Variants in M1AP observed in about 807,000 individuals in gnomAD.
M1AP encodes meiosis 1 arrest protein.
In M1AP, 39 loss-of-function variants were observed where a neutral mutation model predicts 51.2. The observed-to-expected ratio is 0.76, with a 90% CI of 0.59 to 1.00. The LOEUF is 1.00. Ranked by LOEUF, M1AP falls within the 50% of genes least tolerant of loss-of-function variation. The pLI is 0.00. For synonymous variants in M1AP, 251 were observed against 249.2 expected, an observed-to-expected ratio of 1.01 and a Z score of -0.07; for missense variants, 545 against 641.2, an observed-to-expected ratio of 0.85 and a Z score of 1.62.
At chr2:74,606,495 C>T (rs867346904) in intron 4 of M1AP, among the ~76,000 whole-genome samples, 68 of 152,208 alleles carry the variant, frequency 4.5e-4, no homozygotes, top group Admixed American at 9.2e-4. Flanking sequence ...ACACAGCTGT[C>T]CAACACACAT....
At chr2:74,626,693 A>G (rs1407070809) in intron 2 of M1AP, among the ~76,000 whole-genome samples, 1 of 152,246 alleles carries the variant, frequency 6.6e-6, no homozygotes, top group African/African-American at 2.4e-5. Context: ...TCAGGAATCT[A>G]TGCTGGTAGA....
rs1558701420 is a variant in M1AP, at chr2:74,640,257, T to G, written c.19A>C (p.Thr7Pro). The G allele has an allele frequency of 1.1e-5, 18 of 1,613,946 alleles. No homozygotes were observed. Among genetic ancestry groups the G allele is most frequent in the Non-Finnish European group, 1.5e-5 (18 of 1,179,966 alleles). ...GTGTGAGTAGAGGGCCCTTTACCAG[T>G]AGTTCGCCCAGGATGCATGGCAGCA... MHPGRT[T>P]GKGPSTHTQI... is the part of the protein sequence containing the mutation. The change falls in exon 2 of 11, where the codon ACT (threonine) becomes CCT (proline). Residue 7 changes from threonine to proline, a missense_variant. Transcript: ENST00000421985.
intron 9 of M1AP, 87 bp downstream of exon 9, chr2:74,560,064 G>T: frequency 6.9e-7 from 1 of 1,446,072 alleles, no homozygotes; most frequent in Non-Finnish European, 9.4e-7. Context: ...GGCGGTGTTG[G>T]GATGGGGGAG....
intron 3 of M1AP, among the ~76,000 whole-genome samples, chr2:74,611,302 G>A (rs1573142699): frequency 6.6e-6 from 1 of 152,132 alleles, no homozygotes; most frequent in African/African-American, 2.4e-5. Flanking sequence ...AATCTATGAG[G>A]TCTGGGGCTT....
intron 1 of M1AP, among the ~76,000 whole-genome samples, chr2:74,645,742 T>A (rs1180723043): frequency 6.6e-6 from 1 of 152,232 alleles, no homozygotes; most frequent in Non-Finnish European, 1.5e-5. Flanking sequence ...GCACACTGCC[T>A]ATGGGGTAGC....
rs3025981 is a variant in M1AP at position 74,640,403 on chromosome 2, C to T, written c.-52-76G>A. ...CTCTGTTGAAATATAAAATACAAGT[C>T]GAGGGAAACAAATCCAGAAAGGAGT... On this transcript the variant is annotated intron_variant, in intron 1 of 10. Coordinates refer to ENST00000421985, the MANE Select transcript of M1AP (RefSeq NM_001321739.2). The T allele has an allele frequency of 4.1e-3, 5,066 of 1,241,376 alleles. 157 individuals carry two copies. In the African/African-American group the frequency reaches 0.067, roughly 17 times the overall value. 76.9% of individuals were successfully genotyped at this position (1,241,376 alleles called of 1,614,324 possible).
At chr2:74,595,359 A>AT (rs1027997846) in intron 4 of M1AP, among the ~76,000 whole-genome samples, 20 of 149,898 alleles carry the variant, frequency 1.3e-4, no homozygotes, top group South Asian at 4.2e-4. Flanking sequence ...GGCAAAAACA[A>AT]TTTTTTTTTT....
At position 74,575,514 on chromosome 2, in the gene M1AP, G is replaced by C. The variant is rs1679006966; in HGVS notation, c.998C>G (p.Thr333Arg). The change falls in exon 7 of 11, where the codon ACA (threonine) becomes AGA (arginine). Residue 333 changes from threonine (T) to arginine (R), a missense_variant. By Grantham distance (71) the Thr-to-Arg change is moderately conservative. Transcript: ENST00000421985. ...ATCCCAGTCCAGCTGCCAACAGCTTGTAGGTCTGAGGATGAACGGGAGTCC... is the reference window on the plus strand; with the variant it reads ...ATCCCAGTCCAGCTGCCAACAGCTTCTAGGTCTGAGGATGAACGGGAGTCC... ...TYGLPFILRP[T>R]SCWQLDWDEL... 1.2e-6 allele frequency: 2 copies of C among 1,614,176 alleles called. No homozygotes were observed. Among genetic ancestry groups the C allele is most frequent in the Admixed American group, 3.3e-5 (2 of 60,018 alleles).
In M1AP at chr2:74,639,388, T is replaced by C. The variant is rs363704; in HGVS notation, c.240+648A>G. Among the ~76,000 whole-genome samples, 59 of 152,348 alleles carry C rather than the reference T, an allele frequency of 3.9e-4. No homozygotes were observed. The South Asian group carries it at 0.012, about 30-fold the overall frequency. On this transcript the variant is annotated intron_variant, in intron 2 of 10. Transcript: ENST00000421985. ...GAGATGCATAGAACCTCTGGAAGTCTTTCTCTTCACTATGATTCTGAATTT... is the reference window on the plus strand; with the variant it reads ...GAGATGCATAGAACCTCTGGAAGTCCTTCTCTTCACTATGATTCTGAATTT...
chr2:74,607,559 C>T (rs563957726), intron 3 of M1AP, among the ~76,000 whole-genome samples: 1 of 152,242 alleles, frequency 6.6e-6, no homozygotes, highest in African/African-American at 2.4e-5. Flanking sequence ...CTGCAACCTC[C>T]GCCTTCCGGG....
chr2:74,591,147 C>T (rs570072541), intron 4 of M1AP, among the ~76,000 whole-genome samples: 1 of 152,294 alleles, frequency 6.6e-6, no homozygotes, highest in South Asian at 2.1e-4. Context: ...AGCCGCCTCC[C>T]AGCTGTCTAT....
intron 4 of M1AP, among the ~76,000 whole-genome samples, chr2:74,585,663 C>T (rs1007667787): frequency 6.6e-6 from 1 of 152,182 alleles, no homozygotes; most frequent in South Asian, 2.1e-4. Context: ...TGCTGTGTGT[C>T]GGGTTTGAGC....
intron 7 of M1AP, among the ~76,000 whole-genome samples, chr2:74,565,745 C>G (rs1306133257): frequency 1.3e-5 from 2 of 151,832 alleles, no homozygotes; most frequent in African/African-American, 4.8e-5. Context: ...AGGAGAATCA[C>G]TTGAACCCAG....
intron 5 of M1AP, among the ~76,000 whole-genome samples, chr2:74,577,460 C>T (rs1030086278): frequency 6.6e-6 from 1 of 152,170 alleles, no homozygotes; most frequent in Non-Finnish European, 1.5e-5. Context: ...TGATAACAAA[C>T]TTGTGAATAT....
intron 5 of M1AP, chr2:74,576,840 T>C (rs1481455465): frequency 1.8e-5 from 23 of 1,307,314 alleles, no homozygotes; most frequent in East Asian, 2.9e-5. Context: ...TCTATCGCTC[T>C]ACATAAAAGT....
intron 10 of M1AP, 46 bp from the exon 11 acceptor site, chr2:74,558,920 G>T (rs1677704443): frequency 2.6e-6 from 4 of 1,538,872 alleles, no homozygotes; most frequent in Non-Finnish European, 3.5e-6. Context: ...CAGAGTTTCT[G>T]AGCACCTATC....
At chr2:74,603,610 G>T (rs1424871968) in intron 4 of M1AP, among the ~76,000 whole-genome samples, 1 of 152,080 alleles carries the variant, frequency 6.6e-6, no homozygotes, top group Non-Finnish European at 1.5e-5. Context: ...AGAAGAAGAG[G>T]GAATTTAGAG....
intron 2 of M1AP, among the ~76,000 whole-genome samples, chr2:74,631,481 T>A (rs1682701697): frequency 6.6e-6 from 1 of 152,218 alleles, no homozygotes; most frequent in Non-Finnish European, 1.5e-5. Context: ...TCTTGGGGTT[T>A]ACCTTTATGC....
At chr2:74,642,675 A>G (rs1683360749) in intron 1 of M1AP, among the ~76,000 whole-genome samples, 1 of 152,200 alleles carries the variant, frequency 6.6e-6, no homozygotes, top group Non-Finnish European at 1.5e-5. Flanking sequence ...TGTGCCAATG[A>G]TTGTGTATAT....
Sources: gnomAD v4.1 joint callset for allele counts (sites outside exome capture counted in the v4.1 genomes callset) on GRCh38, gnomAD v4.1.1 for gene constraint, MANE v1.5 for transcripts, NCBI Gene and HGNC (gene_info 2026-07-23, HGNC 2026-07-21) for gene names.